The following DESI2 variants were observed in gnomAD, a reference collection of about 807,000 sequenced individuals.
DESI2 encodes deubiquitinase DESI2.
A neutral mutation model predicts 24.1 loss-of-function variants in DESI2; 10 were observed. The observed-to-expected ratio is 0.41, with a 90% confidence interval of 0.26 to 0.70. The LOEUF (loss-of-function observed/expected upper bound fraction) is 0.70, where lower values mean the gene tolerates loss of function less well. Among genes scored for constraint, DESI2 ranks in the 30% least tolerant of loss-of-function variants. The pLI, the probability that DESI2 is intolerant of heterozygous loss-of-function variation, is 0.29. For synonymous variants in DESI2, 71 were observed against 87.7 expected, an observed-to-expected ratio of 0.81 and a Z score of 1.06; for missense variants, 122 against 234.9, an observed-to-expected ratio of 0.52 and a Z score of 3.14.
chr1:244,667,747 C>T (rs1676096086), intron 1 of DESI2, among the ~76,000 whole-genome samples: 1 of 152,202 alleles, frequency 6.6e-6, no homozygotes, highest in Non-Finnish European at 1.5e-5. Context: ...CTGACTCTTA[C>T]TCTGAACTAG....
chr1:244,653,623 C>T (rs1201733175), intron 1 of DESI2: 1 of 521,356 alleles, frequency 1.9e-6, no homozygotes, highest in Non-Finnish European at 3.4e-6. Context: ...GGACCCGACC[C>T]CGGCTCTGGG....
chr1:244,665,200 T>C (rs535994995), intron 1 of DESI2, among the ~76,000 whole-genome samples: 166 of 152,242 alleles, frequency 1.1e-3, no homozygotes, highest in South Asian at 1.9e-3. Flanking sequence ...TATGCCACTA[T>C]ACTAAGCCAT....
chr1:244,682,762 C>CG (rs1185811172), intron 1 of DESI2, among the ~76,000 whole-genome samples: 2 of 150,852 alleles, frequency 1.3e-5, no homozygotes, highest in African/African-American at 4.9e-5. Flanking sequence ...CAAAGACAGG[C>CG]GGGGGGCCAG....
In DESI2 at chr1:244,686,576, TTTTC is replaced by T. The variant is rs746761331; in HGVS notation, c.43-13_43-10del. ...TGTAAATGAACAGGTATTCTGAATC[TTTTC>T]TTTCTTTTTTTCTCAGTATTGGATG... On this transcript the variant is annotated splice_polypyrimidine_tract_variant and intron_variant, in intron 1 of 4. Transcript: ENST00000302550. 1.9e-5 allele frequency: 29 copies of T among 1,535,804 alleles called. No homozygotes were observed. Among genetic ancestry groups the T allele is most frequent in the East Asian group, 1.8e-4 (8 of 44,510 alleles).
At position 244,689,231 on chromosome 1, in the gene DESI2, T is replaced by G; in HGVS notation, c.116-18T>G. On this transcript the variant is annotated intron_variant, in intron 2 of 4. Coordinates refer to ENST00000302550, the MANE Select transcript of DESI2 (RefSeq NM_016076.5). The surrounding 1 kb of genome is among the most constrained non-coding windows in gnomAD (Gnocchi z 4.0). ...TTTATGTGATACATACTAAAAATCATGAGTTTTCTCTTTTCAGAATTTGCT... is the reference window on the plus strand; with the variant it reads ...TTTATGTGATACATACTAAAAATCAGGAGTTTTCTCTTTTCAGAATTTGCT... 6 of 1,299,122 alleles carry G rather than the reference T, an allele frequency of 4.6e-6. No individual in the cohort carries two copies. The highest frequency in any genetic ancestry group is 6.7e-6 in the Non-Finnish European group (6 of 896,496). 80.5% of individuals were successfully genotyped at this position (1,299,122 alleles called of 1,614,324 possible). A position where few individuals can be genotyped will look rare whatever the true frequency, so the allele number is the denominator to read the frequency against.
At chr1:244,657,222 G>A (rs905252) in intron 1 of DESI2, among the ~76,000 whole-genome samples, 123,366 of 152,164 alleles carry the variant, frequency 0.81, 50,232 homozygotes, top group South Asian at 0.87. Context: ...CCTCCAACAG[G>A]GTGTCAGGTC....
At chr1:244,698,237 T>G (rs1382906660) in intron 4 of DESI2, among the ~76,000 whole-genome samples, 1 of 152,248 alleles carries the variant, frequency 6.6e-6, no homozygotes, top group Non-Finnish European at 1.5e-5. Flanking sequence ...TTTTTGCTGC[T>G]GTAGGATAGA....
intron 1 of DESI2, among the ~76,000 whole-genome samples, chr1:244,663,182 G>GTT (rs113437695): frequency 6.8e-6 from 1 of 147,082 alleles, no homozygotes; most frequent in African/African-American, 2.5e-5. Flanking sequence ...TTAACTTGCA[G>GTT]TTTTTTTTTT....
intron 1 of DESI2, among the ~76,000 whole-genome samples, chr1:244,657,974 G>A (rs548770398): frequency 1.3e-5 from 2 of 152,254 alleles, no homozygotes; most frequent in African/African-American, 4.8e-5. Context: ...AGTTGTGGGT[G>A]AGGAAGGCAA....
intron 1 of DESI2, among the ~76,000 whole-genome samples, chr1:244,685,642 T>C (rs1423238651): frequency 2.0e-5 from 3 of 152,300 alleles, no homozygotes; most frequent in East Asian, 3.9e-4. Context: ...TGCGTGAGAA[T>C]GTGTGTAGGT....
At position 244,666,168 on chromosome 1, in the gene DESI2, A is replaced by G. The variant is rs542659060; in HGVS notation, c.42+12813A>G. On this transcript the variant is annotated intron_variant, in intron 1 of 4. Transcript: ENST00000302550. ...TACTCTCAGCTTATTTTCAGAGATT[A>G]CCTCACAGCTTATTTCACTGAAGAG... 3.9e-5 allele frequency among the ~76,000 whole-genome samples: 6 copies of G among 152,108 alleles called. No individual in the cohort carries two copies. The South Asian group carries it at 1.2e-3, about 32-fold the overall frequency.
chr1:244,698,524 C>G (rs969922583), intron 4 of DESI2, among the ~76,000 whole-genome samples: 9 of 152,208 alleles, frequency 5.9e-5, no homozygotes, highest in Admixed American at 3.3e-4. Flanking sequence ...ACTGGCCCTT[C>G]AGCATCTCAG....
chr1:244,701,879 G>C (rs1677479241), intron 4 of DESI2, among the ~76,000 whole-genome samples: 1 of 152,004 alleles, frequency 6.6e-6, no homozygotes, highest in Non-Finnish European at 1.5e-5. Context: ...AATGGCACTT[G>C]GTTAATTTTA....
intron 1 of DESI2, among the ~76,000 whole-genome samples, chr1:244,683,147 G>A (rs940182653): frequency 2.0e-5 from 3 of 151,964 alleles, no homozygotes; most frequent in African/African-American, 7.3e-5. Context: ...GGGGGATGGT[G>A]GAGGATGAGG....
chr1:244,704,706 T>C (rs998842054), intron 4 of DESI2, among the ~76,000 whole-genome samples: 2 of 152,210 alleles, frequency 1.3e-5, no homozygotes, highest in Non-Finnish European at 2.9e-5. Flanking sequence ...TTGCCTAGGC[T>C]GGAGTGCAGT....
chr1:244,689,450 G>T lies in DESI2; in HGVS notation c.209+108G>T, dbSNP rs1330389195. On this transcript the variant is annotated intron_variant, in intron 3 of 4. Transcript: ENST00000302550. The surrounding 1 kb of genome is among the most constrained non-coding windows in gnomAD (Gnocchi z 4.0). ...AAAACAAACCCAAGAAGTTAAAAAT[G>T]TCTCTTTGTTTTAATTGCTGACATT... 6.7e-6 allele frequency: 4 copies of T among 594,322 alleles called. No homozygotes were observed. Among genetic ancestry groups the T allele is most frequent in the East Asian group, 2.9e-5 (1 of 34,678 alleles). 36.8% of individuals were successfully genotyped at this position (594,322 alleles called of 1,614,324 possible).
At chr1:244,686,806 A>G in intron 2 of DESI2, 137 bp downstream of exon 2, 3 of 561,772 alleles carry the variant, frequency 5.3e-6, no homozygotes, top group Admixed American at 3.5e-5. Context: ...ATCTCCCCAT[A>G]TTCATTTATA....
intron 1 of DESI2, among the ~76,000 whole-genome samples, chr1:244,678,450 T>C (rs1241486868): frequency 1.3e-5 from 2 of 152,182 alleles, no homozygotes; most frequent in Admixed American, 6.5e-5. Flanking sequence ...AATAAAAGAT[T>C]TCTGAGTTTA....
chr1:244,695,162 A>T (rs1269393925), intron 4 of DESI2, among the ~76,000 whole-genome samples: 1 of 152,078 alleles, frequency 6.6e-6, no homozygotes, highest in Admixed American at 6.6e-5. Flanking sequence ...TAACACAACC[A>T]CCAGAGAAAG....
Sources: gnomAD v4.1 joint callset for allele counts (sites outside exome capture counted in the v4.1 genomes callset) on GRCh38, gnomAD v4.1.1 for gene constraint, Gnocchi (gnomAD v3.1) non-coding constraint, MANE v1.5 for transcripts, NCBI Gene and HGNC (gene_info 2026-07-23, HGNC 2026-07-21) for gene names.